Variants in GPC5 observed in about 807,000 individuals in gnomAD.
GPC5 encodes the protein glypican 5, also known as glypican-5.
In GPC5, 47 loss-of-function variants were observed where a neutral mutation model predicts 53.9. The ratio of observed to expected loss-of-function variants is 0.87; its 90% CI spans 0.69 to 1.11. The LOEUF is 1.11. GPC5 is among the 50% of genes most tolerant of loss of function. The pLI is 0.00. For missense variants in GPC5, 748 were observed against 713.1 expected, an observed-to-expected ratio of 1.05 and a Z score of -0.56; for synonymous variants, 286 against 263.3, an observed-to-expected ratio of 1.09 and a Z score of -0.84.
intron 2 of GPC5, among the ~76,000 whole-genome samples, chr13:91,678,872 A>T (rs2035444231): frequency 6.6e-6 from 1 of 152,160 alleles, no homozygotes. Context: ...TGTACTACTT[A>T]ACAAAATGTC....
chr13:92,523,008 C>G (rs1881128544), intron 7 of GPC5, among the ~76,000 whole-genome samples: 1 of 152,126 alleles, frequency 6.6e-6, no homozygotes. Flanking sequence ...TGAACCTCTT[C>G]TGTTACAACA....
At chr13:92,507,659 C>T (rs1880420398) in intron 7 of GPC5, among the ~76,000 whole-genome samples, 1 of 152,054 alleles carries the variant, frequency 6.6e-6, no homozygotes. Context: ...AAGTTATTTA[C>T]AAGTTATACC....
chr13:91,638,123 G>A (rs2034327944), intron 2 of GPC5, among the ~76,000 whole-genome samples: 2 of 152,176 alleles, frequency 1.3e-5, no homozygotes, highest in African/African-American at 4.8e-5. Flanking sequence ...AGTAAAAAGC[G>A]AAGCTGAGAG....
intron 7 of GPC5, among the ~76,000 whole-genome samples, chr13:92,175,102 C>T (rs2042100302): frequency 6.6e-6 from 1 of 152,224 alleles, no homozygotes; most frequent in African/African-American, 2.4e-5. Context: ...ATCAACCCGC[C>T]TTGGCCACCC....
intron 2 of GPC5, among the ~76,000 whole-genome samples, chr13:91,629,049 G>T (rs2034086145): frequency 6.6e-6 from 1 of 152,128 alleles, no homozygotes; most frequent in Non-Finnish European, 1.5e-5. Flanking sequence ...TACGTAAAAT[G>T]ATTTCTCTGG....
intron 7 of GPC5, among the ~76,000 whole-genome samples, chr13:92,401,023 T>A (rs960666020): frequency 6.6e-6 from 1 of 152,132 alleles, no homozygotes; most frequent in East Asian, 1.9e-4. Flanking sequence ...GTAATGTGAT[T>A]TAGGAAATAC....
chr13:92,054,243 T>C (rs1197935628), intron 6 of GPC5, among the ~76,000 whole-genome samples: 4 of 150,526 alleles, frequency 2.7e-5, no homozygotes, highest in African/African-American at 9.8e-5. Flanking sequence ...ACACACAAAA[T>C]AAACAGAGAT....
chr13:92,637,406 G>A (rs554788629), intron 7 of GPC5, among the ~76,000 whole-genome samples: 12 of 152,100 alleles, frequency 7.9e-5, no homozygotes, highest in Non-Finnish European at 1.6e-4. Flanking sequence ...GTGAGGAAAC[G>A]ATCAAGGGCA....
At chr13:92,611,527 C>A (rs138326015) in intron 7 of GPC5, among the ~76,000 whole-genome samples, 1 of 152,136 alleles carries the variant, frequency 6.6e-6, no homozygotes, top group South Asian at 2.1e-4. Flanking sequence ...AATTCACCTT[C>A]AAAAATCTAT....
At chr13:92,543,761 A>G (rs368574118) in intron 7 of GPC5, among the ~76,000 whole-genome samples, 3 of 152,222 alleles carry the variant, frequency 2.0e-5, no homozygotes, top group South Asian at 4.1e-4. Context: ...AAAATTTTTT[A>G]TCTAAATATT....
intron 7 of GPC5, among the ~76,000 whole-genome samples, chr13:92,390,050 T>G (rs1412110880): frequency 2.0e-5 from 3 of 152,074 alleles, no homozygotes; most frequent in African/African-American, 7.2e-5. Flanking sequence ...TCATTAGAAT[T>G]TTGTCTTGAT....
At chr13:92,591,792 C>A (rs141719131) in intron 7 of GPC5, among the ~76,000 whole-genome samples, 1 of 152,304 alleles carries the variant, frequency 6.6e-6, no homozygotes, top group East Asian at 1.9e-4. Flanking sequence ...ATTCTACTCT[C>A]TACTTCTATG....
chr13:92,577,786 G>T (rs1335872814), intron 7 of GPC5, among the ~76,000 whole-genome samples: 1 of 152,028 alleles, frequency 6.6e-6, no homozygotes, highest in Admixed American at 6.6e-5. Flanking sequence ...AGAAGAAAAA[G>T]TAAATAGCAT....
intron 7 of GPC5, among the ~76,000 whole-genome samples, chr13:92,188,900 G>A (rs1405510747): frequency 3.9e-5 from 6 of 152,182 alleles, no homozygotes; most frequent in Non-Finnish European, 7.3e-5. Context: ...CTCTGTTAGA[G>A]CAGTGAGGTC....
intron 6 of GPC5, among the ~76,000 whole-genome samples, chr13:92,043,953 C>T (rs963200109): frequency 2.6e-5 from 4 of 152,148 alleles, no homozygotes; most frequent in African/African-American, 9.7e-5. Flanking sequence ...TTCATGTTCT[C>T]TTTTTCTTCA....
At chr13:92,434,575 A>G (rs77873466) in intron 7 of GPC5, among the ~76,000 whole-genome samples, 1,689 of 152,312 alleles carry the variant, frequency 0.011, 23 homozygotes, top group Non-Finnish European at 0.018. Context: ...ACATCTCGTG[A>G]TATCAGGAAA....
rs111925684 is a variant in GPC5, at chr13:92,586,766, G to T, written c.1562-279516G>T. On this transcript the variant is annotated intron_variant, in intron 7 of 7. Transcript: ENST00000377067. ...AAACGCAATTTCTCCAAGTGCCCTG[G>T]GAGCAGAGGGCTAGGAGAGAAACGG... 1.2e-4 allele frequency among the ~76,000 whole-genome samples: 18 copies of T among 152,256 alleles called. 1 individual carries two copies. The highest frequency in any genetic ancestry group is 3.9e-4 in the African/African-American group (16 of 41,540).
At chr13:91,708,666 G>A (rs7338975) in intron 3 of GPC5, among the ~76,000 whole-genome samples, 19,143 of 151,978 alleles carry the variant, frequency 0.13, 1,777 homozygotes, top group African/African-American at 0.26. Context: ...TCAAAAGGGC[G>A]AATTTTATGT....
chr13:91,863,794 C>G (rs1018768565), intron 5 of GPC5, among the ~76,000 whole-genome samples: 1 of 152,100 alleles, frequency 6.6e-6, no homozygotes, highest in African/African-American at 2.4e-5. Flanking sequence ...CCCTTTTGGA[C>G]ACAAACCCAG....
Sources: gnomAD v4.1 joint callset for allele counts (sites outside exome capture counted in the v4.1 genomes callset) on GRCh38, gnomAD v4.1.1 for gene constraint, MANE v1.5 for transcripts, NCBI Gene and HGNC (gene_info 2026-07-23, HGNC 2026-07-21) for gene names.